The following TULP4 variants were observed in gnomAD, a reference collection of about 807,000 sequenced individuals.
The protein encoded by TULP4 is TUB like protein 4.
A neutral mutation model predicts 129.0 loss-of-function variants in TULP4; 16 were observed. That is an observed-to-expected ratio of 0.12 (90% CI 0.08 to 0.19). The LOEUF (loss-of-function observed/expected upper bound fraction) is 0.19. TULP4 is among the 10% of genes least tolerant of loss of function. TULP4 has a pLI of 1.00. For missense variants in TULP4, 1,842 were observed against 2,059.1 expected (o/e 0.89, Z 2.04); for synonymous variants, 998 against 854.0 (o/e 1.17, Z -2.94).
intron 1 of TULP4, chr6:158,242,684 G>GTA: frequency 1.6e-6 from 1 of 611,364 alleles, no homozygotes; most frequent in Non-Finnish European, 3.1e-6. Context: ...TACAATGCAG[G>GTA]CCAGTTACAT....
intron 3 of TULP4, among the ~76,000 whole-genome samples, chr6:158,433,496 C>G (rs879069866): frequency 1.3e-4 from 20 of 152,114 alleles, no homozygotes; most frequent in Non-Finnish European, 2.8e-4. Flanking sequence ...AGGTAGATCA[C>G]GAGGTCAGGA....
chr6:158,467,590 CT>C (rs576537787), intron 6 of TULP4, among the ~76,000 whole-genome samples: 40 of 152,310 alleles, frequency 2.6e-4, no homozygotes, highest in African/African-American at 8.9e-4. Flanking sequence ...CTGCCTTTCC[CT>C]TTTAAACTGT....
At chr6:158,474,620 T>C (rs375702452) in intron 6 of TULP4, among the ~76,000 whole-genome samples, 5 of 152,216 alleles carry the variant, frequency 3.3e-5, no homozygotes, top group African/African-American at 7.2e-5. Context: ...CACTGTTTTT[T>C]ACTTCACGGA....
chr6:158,478,593 C>T (rs1307009765), intron 6 of TULP4, among the ~76,000 whole-genome samples: 2 of 152,180 alleles, frequency 1.3e-5, no homozygotes, highest in African/African-American at 4.8e-5. Flanking sequence ...GTTTTCCAGA[C>T]TCCTTGGCCA....
intron 1 of TULP4, among the ~76,000 whole-genome samples, chr6:158,320,955 C>T (rs1562519186): frequency 1.3e-5 from 2 of 152,192 alleles, no homozygotes; most frequent in Non-Finnish European, 2.9e-5. Context: ...TATCTGCTTG[C>T]CTCGTTTGGT....
chr6:158,321,250 T>C (rs910770688), intron 1 of TULP4, among the ~76,000 whole-genome samples: 18 of 152,150 alleles, frequency 1.2e-4, no homozygotes, highest in Non-Finnish European at 2.5e-4. Context: ...TCTCCTGGTT[T>C]TCCTGTTACT....
chr6:158,481,203 G>A lies in TULP4; in HGVS notation c.1400G>A (p.Gly467Glu). The A allele has an allele frequency of 6.2e-7, 1 of 1,614,232 alleles. No individual in the cohort carries two copies. Among genetic ancestry groups the A allele is most frequent in the Non-Finnish European group, 8.5e-7 (1 of 1,180,032 alleles). The change falls in exon 8 of 14, where the codon GGG (glycine) becomes GAG (glutamate). Residue 467 changes from glycine (G) to glutamate (E), a missense_variant. By Grantham distance (98) the Gly-to-Glu change is moderately conservative. Transcript: ENST00000367097. Reference protein sequence around the residue: ...CYTLYLEYLGGLVPILKGRRI... With the variant: ...CYTLYLEYLGELVPILKGRRI... Reference sequence around the variant, plus strand: ...ACGCTCTACCTGGAGTACCTGGGCGGGCTTGTGCCCATCCTCAAAGGGCGG... The same window carrying A: ...ACGCTCTACCTGGAGTACCTGGGCGAGCTTGTGCCCATCCTCAAAGGGCGG...
At chr6:158,457,536 G>C (rs1173269194) in intron 5 of TULP4, among the ~76,000 whole-genome samples, 2 of 152,124 alleles carry the variant, frequency 1.3e-5, no homozygotes, top group Non-Finnish European at 2.9e-5. Flanking sequence ...GATTCACTTT[G>C]CTTGGGGTTT....
intron 1 of TULP4, among the ~76,000 whole-genome samples, chr6:158,367,208 G>A (rs1383409074): frequency 6.6e-6 from 1 of 152,214 alleles, no homozygotes; most frequent in Non-Finnish European, 1.5e-5. Context: ...CCCGGAAACA[G>A]CTTCTTGGGC....
chr6:158,510,600 T>A lies in TULP4; in HGVS notation c.*3906T>A, dbSNP rs182475265. The stretch of plus-strand genomic sequence containing the variant: ...GTGTTAATGAGCTATGTACTGAATA[T>A]AAACCAGTGCATTTAAAGTAATATC... On this transcript the variant is annotated 3_prime_UTR_variant, in exon 14 of 14. Transcript: ENST00000367097. The A allele has an allele frequency of 5.2e-5, 8 of 152,382 alleles. No homozygotes were observed. Among genetic ancestry groups the A allele is most frequent in the African/African-American group, 1.9e-4 (8 of 41,594 alleles). The allele number at this position is 152,382 out of a possible 1,614,324, so 9.4% of individuals were successfully genotyped here.
intron 1 of TULP4, among the ~76,000 whole-genome samples, chr6:158,254,909 T>C (rs1456142477): frequency 6.6e-6 from 1 of 152,092 alleles, no homozygotes; most frequent in Admixed American, 6.6e-5. Flanking sequence ...CTGTCTCTAC[T>C]AAAAGTACAA....
chr6:158,281,261 T>G (rs1778746932), upstream of TULP4, among the ~76,000 whole-genome samples: 1 of 151,712 alleles, frequency 6.6e-6, no homozygotes, highest in Admixed American at 6.6e-5. Flanking sequence ...TTGCCCAGGC[T>G]GGAGTGCAGT....
At chr6:158,391,166 T>C (rs1777576188) in intron 1 of TULP4, among the ~76,000 whole-genome samples, 1 of 152,188 alleles carries the variant, frequency 6.6e-6, no homozygotes, top group Non-Finnish European at 1.5e-5. Context: ...GTCATAAGGA[T>C]TTCTTTCTTA....
intron 1 of TULP4, among the ~76,000 whole-genome samples, chr6:158,402,125 G>C (rs529621475): frequency 6.6e-6 from 1 of 152,276 alleles, no homozygotes; most frequent in African/African-American, 2.4e-5. Flanking sequence ...GAGCTGCTTT[G>C]AGCTTCTCAG....
chr6:158,291,614 C>A (rs955525657), intron 1 of TULP4, among the ~76,000 whole-genome samples: 7 of 151,950 alleles, frequency 4.6e-5, no homozygotes, highest in African/African-American at 1.7e-4. Context: ...GTTGTTATGT[C>A]TTCAGATATT....
At chr6:158,296,999 G>T (rs893712290) in intron 1 of TULP4, among the ~76,000 whole-genome samples, 14 of 152,134 alleles carry the variant, frequency 9.2e-5, no homozygotes, top group Non-Finnish European at 1.9e-4. Context: ...CGAGAGCAGA[G>T]AACCAGTCTG....
At chr6:158,408,003 C>T (rs1254297543) in intron 1 of TULP4, among the ~76,000 whole-genome samples, 1 of 152,174 alleles carries the variant, frequency 6.6e-6, no homozygotes, top group Non-Finnish European at 1.5e-5. Flanking sequence ...AGCTGTTATC[C>T]AACCCCTTAT....
At chr6:158,234,190 C>T (rs1476862054) in intron 1 of TULP4, among the ~76,000 whole-genome samples, 1 of 152,180 alleles carries the variant, frequency 6.6e-6, no homozygotes, top group Non-Finnish European at 1.5e-5. Flanking sequence ...GCATATGGAG[C>T]TCTAAGAGTG....
intron 6 of TULP4, among the ~76,000 whole-genome samples, chr6:158,470,169 C>G (rs1222760175): frequency 1.3e-5 from 2 of 152,234 alleles, no homozygotes; most frequent in Non-Finnish European, 2.9e-5. Flanking sequence ...CGGCAATGGG[C>G]ACCTCGCTGG....
Sources: gnomAD v4.1 joint callset for allele counts (sites outside exome capture counted in the v4.1 genomes callset) on GRCh38, gnomAD v4.1.1 for gene constraint, MANE v1.5 for transcripts, NCBI Gene and HGNC (gene_info 2026-07-23, HGNC 2026-07-21) for gene names.